The following ADGRV1 variants were observed in gnomAD, a reference collection of about 807,000 sequenced individuals.
ADGRV1 encodes the protein G-protein coupled receptor 98.
Under a neutral mutation model 596.2 loss-of-function variants are expected in ADGRV1, and 359 were observed. The ratio of observed to expected loss-of-function variants is 0.60; its 90% CI spans 0.55 to 0.66. The LOEUF (loss-of-function observed/expected upper bound fraction) is 0.66, where lower values mean the gene tolerates loss of function less well. Ranked by LOEUF, ADGRV1 falls within the 30% of genes least tolerant of loss-of-function variation. The probability of loss-of-function intolerance (pLI) is 0.00; values close to 1 mark genes in which losing one functional copy is unlikely to be tolerated. For synonymous variants in ADGRV1, 2,681 were observed against 2,679.2 expected (o/e 1.00, Z -0.02); for missense variants, 7,274 against 7,575.6 (o/e 0.96, Z 1.48).
At chr5:90,571,353 G>A (rs188542889) in intron 1 of ADGRV1, among the ~76,000 whole-genome samples, 76 of 152,098 alleles carry the variant, frequency 5.0e-4, no homozygotes, top group Non-Finnish European at 3.7e-4. Context: ...CCAGCCAGAG[G>A]TGAGAATGTA....
intron 27 of ADGRV1, 134 bp from the exon 28 acceptor site, chr5:90,683,452 T>C (rs901085039): frequency 2.9e-6 from 2 of 689,404 alleles, no homozygotes; most frequent in Non-Finnish European, 4.7e-6. Context: ...GACCCCTGCC[T>C]GCAGCAGTCT....
rs1046445438 is a variant in ADGRV1 at position 91,062,741 on chromosome 5, T to C, written c.18153-9706T>C. The stretch of plus-strand genomic sequence containing the variant: ...CCCAGGCTTCTAAATATCACAGATC[T>C]CTGTTTTTCTATCCCTTTTGCTTTC... On this transcript the variant is annotated intron_variant, in intron 85 of 89. Transcript: ENST00000405460. Among the ~76,000 whole-genome samples the C allele has an allele frequency of 5.5e-4, 83 of 152,070 alleles. 1 individual carries two copies. The highest frequency in any genetic ancestry group is 1.9e-3 in the African/African-American group (79 of 41,416).
chr5:90,839,946 G>A (rs1403309499), intron 77 of ADGRV1, among the ~76,000 whole-genome samples: 2 of 152,108 alleles, frequency 1.3e-5, no homozygotes, highest in Non-Finnish European at 2.9e-5. Flanking sequence ...ATAGTTCTTG[G>A]CTCAGTAGTA....
At position 90,840,904 on chromosome 5, in the gene ADGRV1, A is replaced by G; in HGVS notation, c.16938A>G (p.Arg5646=). 1 of 1,581,254 alleles carries G rather than the reference A, an allele frequency of 6.3e-7. No individual in the cohort carries two copies. The highest frequency in any genetic ancestry group is 8.6e-7 in the Non-Finnish European group (1 of 1,161,394). Residue 5646 remains arginine (R), a synonymous_variant, in exon 78 of 90, where the codon AGA becomes AGG. Coordinates refer to ENST00000405460, the MANE Select transcript of ADGRV1 (RefSeq NM_032119.4). ...HQPVNDDILN[R]VLHTISMKVA... ...CTGTGAATGATGATATTCTCAACAG[A>G]GTGCTCCATACCATCAGCATGAAAG...
intron 78 of ADGRV1, among the ~76,000 whole-genome samples, chr5:90,844,589 T>C (rs114979919): frequency 2.7e-3 from 411 of 152,310 alleles, no homozygotes; most frequent in African/African-American, 9.4e-3. Flanking sequence ...GCAAGAGCAG[T>C]CTAAAACCCC....
intron 83 of ADGRV1, among the ~76,000 whole-genome samples, chr5:90,961,818 A>G (rs192894253): frequency 6.6e-6 from 1 of 152,286 alleles, no homozygotes; most frequent in Admixed American, 6.5e-5. Flanking sequence ...TTTTGGGGGA[A>G]CTATATTTAT....
At chr5:91,060,144 C>T (rs1303689608) in intron 85 of ADGRV1, among the ~76,000 whole-genome samples, 2 of 152,114 alleles carry the variant, frequency 1.3e-5, no homozygotes, top group East Asian at 3.9e-4. Flanking sequence ...CATATAACCT[C>T]ATCTACTCAC....
chr5:90,757,463 T>C lies in ADGRV1; in HGVS notation c.11940+302T>C, dbSNP rs2443064. 0.38 allele frequency among the ~76,000 whole-genome samples: 57,953 copies of C among 151,990 alleles called. 11,987 individuals are homozygous for C. The highest frequency in any genetic ancestry group is 0.54 in the Admixed American group (8,282 of 15,270). ...GTGCCTAACAATGTATAGAAAACTGTCTGATGAACTAGACTCTTCCTGTGG... is the reference window on the plus strand; with the variant it reads ...GTGCCTAACAATGTATAGAAAACTGCCTGATGAACTAGACTCTTCCTGTGG... On this transcript the variant is annotated intron_variant, in intron 57 of 89. Coordinates refer to ENST00000405460, the MANE Select transcript of ADGRV1 (RefSeq NM_032119.4).
chr5:91,039,926 C>A (rs1043016572), intron 85 of ADGRV1, among the ~76,000 whole-genome samples: 1 of 151,944 alleles, frequency 6.6e-6, no homozygotes, highest in African/African-American at 2.4e-5. Context: ...TAAATTAGAT[C>A]TTTGTATCTG....
Position 90,866,166 on chromosome 5 carries a change from A to C in ADGRV1, c.17856+2309A>C, listed in dbSNP as rs527275491. Reference sequence around the variant, plus strand: ...GCTTTTGTGGAGAAGGAAAGAATGGAAATGTGGTAGTCCTGGACTTCCTTT... The same window carrying C: ...GCTTTTGTGGAGAAGGAAAGAATGGCAATGTGGTAGTCCTGGACTTCCTTT... On this transcript the variant is annotated intron_variant, in intron 83 of 89. Transcript: ENST00000405460. 2.0e-5 allele frequency among the ~76,000 whole-genome samples: 3 copies of C among 152,190 alleles called. No homozygotes were observed. The South Asian group carries it at 6.2e-4, about 32-fold the overall frequency.
chr5:90,690,859 C>A lies in ADGRV1; in HGVS notation c.6769C>A (p.Pro2257Thr). 6.2e-7 allele frequency: 1 copy of A among 1,610,430 alleles called. No homozygotes were observed. Among genetic ancestry groups the A allele is most frequent in the South Asian group, 1.1e-5 (1 of 90,622 alleles). The change falls in exon 31 of 90, where the codon CCA (proline) becomes ACA (threonine). Residue 2257 changes from proline (P) to threonine (T), a missense_variant. Coordinates refer to ENST00000405460, the MANE Select transcript of ADGRV1 (RefSeq NM_032119.4). ...PEFNSVKVNLPIIRNSGTLGN... is the reference protein window; with the variant it reads ...PEFNSVKVNLTIIRNSGTLGN... ...GTTTAACTCAGTGAAGGTAAACCTG[C>A]CAATAATTCGAAATTCTGGGACACT... is the stretch of plus-strand genomic sequence containing the variant.
chr5:90,848,009 G>T (rs1481480547), intron 78 of ADGRV1, among the ~76,000 whole-genome samples: 1 of 152,092 alleles, frequency 6.6e-6, no homozygotes, highest in African/African-American at 2.4e-5. Context: ...CTGCCAGCAC[G>T]CTGTCACCTC....
chr5:90,865,428 T>C (rs2150468129), intron 83 of ADGRV1, among the ~76,000 whole-genome samples: 1 of 152,270 alleles, frequency 6.6e-6, no homozygotes, highest in African/African-American at 2.4e-5. Context: ...GCAGACAAAT[T>C]TGCTCGTGTC....
At chr5:91,031,569 G>A in intron 85 of ADGRV1, among the ~76,000 whole-genome samples, 1 of 152,180 alleles carries the variant, frequency 6.6e-6, no homozygotes, top group East Asian at 1.9e-4. Context: ...CCTTGTGACT[G>A]TGGCAGGTCA....
intron 83 of ADGRV1, chr5:90,899,086 G>C (rs1581453566): frequency 6.6e-6 from 1 of 152,292 alleles, no homozygotes; most frequent in South Asian, 2.1e-4. Context: ...TCTTTCTTAT[G>C]TAAATATAAA....
At chr5:91,150,580 A>G (rs915617909) in intron 88 of ADGRV1, among the ~76,000 whole-genome samples, 1 of 152,226 alleles carries the variant, frequency 6.6e-6, no homozygotes, top group African/African-American at 2.4e-5. Context: ...TGGGTCTGCC[A>G]AGGAAATGGT....
chr5:90,776,322 A>G, intron 60 of ADGRV1, 131 bp from the exon 61 acceptor site: 2 of 862,168 alleles, frequency 2.3e-6, no homozygotes, highest in South Asian at 2.9e-5. Context: ...GAGGATATTA[A>G]TACCTTACTG....
chr5:90,627,130 C>G, intron 6 of ADGRV1, 81 bp from the exon 7 acceptor site: 1 of 734,306 alleles, frequency 1.4e-6, no homozygotes, highest in Non-Finnish European at 2.1e-6. Flanking sequence ...TGTATTGAAA[C>G]ATAATGACTT....
chr5:91,094,581 G>A (rs1462277078), intron 86 of ADGRV1, among the ~76,000 whole-genome samples: 1 of 152,130 alleles, frequency 6.6e-6, no homozygotes, highest in Non-Finnish European at 1.5e-5. Flanking sequence ...GAAGTCCTCA[G>A]GAAAGACAAT....
Sources: gnomAD v4.1 joint callset for allele counts (sites outside exome capture counted in the v4.1 genomes callset) on GRCh38, gnomAD v4.1.1 for gene constraint, MANE v1.5 for transcripts, NCBI Gene and HGNC (gene_info 2026-07-23, HGNC 2026-07-21) for gene names.